The following TOX variants were observed in gnomAD, a reference collection of about 807,000 sequenced individuals.
TOX encodes thymocyte selection-associated high mobility group box protein TOX.
TOX carries 11 observed loss-of-function variants against 53.7 expected under a neutral mutation model. That is an observed-to-expected ratio of 0.20 (90% CI 0.13 to 0.34). TOX has a LOEUF of 0.34. Ranked by LOEUF, TOX falls within the 10% of genes least tolerant of loss-of-function variation. TOX has a pLI of 1.00. For missense variants in TOX, 570 were observed against 664.6 expected (o/e 0.86, Z 1.56); for synonymous variants, 225 against 245.3 (o/e 0.92, Z 0.77).
At chr8:58,815,157 T>C (rs1461932979) in intron 7 of TOX, among the ~76,000 whole-genome samples, 181 bp downstream of exon 7, 2 of 152,250 alleles carry the variant, frequency 1.3e-5, no homozygotes, top group Non-Finnish European at 2.9e-5. Context: ...ACTCACCACT[T>C]GTAAATTACA....
At chr8:58,921,922 C>A (rs1267958311) in intron 3 of TOX, among the ~76,000 whole-genome samples, 1 of 152,152 alleles carries the variant, frequency 6.6e-6, no homozygotes, top group Non-Finnish European at 1.5e-5. Flanking sequence ...TGATGATGTT[C>A]TATTACCTAC....
chr8:58,813,214 C>G (rs988381143), intron 7 of TOX, among the ~76,000 whole-genome samples: 1 of 152,124 alleles, frequency 6.6e-6, no homozygotes, highest in African/African-American at 2.4e-5. Context: ...TTATGTAAAT[C>G]TGAAATATTT....
intron 1 of TOX, among the ~76,000 whole-genome samples, chr8:58,983,551 AC>A (rs1358189344): frequency 6.6e-6 from 1 of 152,236 alleles, no homozygotes; most frequent in Non-Finnish European, 1.5e-5. Flanking sequence ...AAACTTATAC[AC>A]ATCTACGATG....
In TOX at chr8:58,894,497, T is replaced by C. The variant is rs554372537; in HGVS notation, c.412-42692A>G. On this transcript the variant is annotated intron_variant, in intron 3 of 8. Coordinates refer to ENST00000361421, the MANE Select transcript of TOX (RefSeq NM_014729.3). ...ATAGGAGAAAGAGCTAAATTAATAA[T>C]AGTTTTGATATAATGATGTATTCTT... 5.9e-5 allele frequency among the ~76,000 whole-genome samples: 9 copies of C among 152,348 alleles called. No individual in the cohort carries two copies. In the East Asian group the frequency reaches 1.3e-3, roughly 23 times the overall value.
At chr8:58,913,977 A>G (rs1811956396) in intron 3 of TOX, among the ~76,000 whole-genome samples, 1 of 152,226 alleles carries the variant, frequency 6.6e-6, no homozygotes, top group African/African-American at 2.4e-5. Context: ...AGTGTGCTCA[A>G]TGGAGTGGAG....
chr8:59,067,894 A>G (rs1303080490), intron 1 of TOX, among the ~76,000 whole-genome samples: 1 of 152,212 alleles, frequency 6.6e-6, no homozygotes, highest in African/African-American at 2.4e-5. Flanking sequence ...ATAAAACCAT[A>G]TCTGTCATTC....
intron 1 of TOX, among the ~76,000 whole-genome samples, chr8:59,077,830 T>A (rs957190684): frequency 6.6e-6 from 1 of 152,186 alleles, no homozygotes; most frequent in African/African-American, 2.4e-5. Flanking sequence ...CTATAAAGAA[T>A]AGAGGCAATT....
intron 1 of TOX, among the ~76,000 whole-genome samples, chr8:59,100,031 C>G (rs904256632): frequency 6.7e-6 from 1 of 148,456 alleles, no homozygotes; most frequent in Non-Finnish European, 1.5e-5. Context: ...AGAATTGCAT[C>G]TTTTTTTTTT....
chr8:58,915,477 C>G (rs1812000257), intron 3 of TOX, among the ~76,000 whole-genome samples: 1 of 114,684 alleles, frequency 8.7e-6, no homozygotes, highest in Non-Finnish European at 1.8e-5. Context: ...TCCAACAGAC[C>G]TGCAGCTGAG....
At chr8:58,857,644 TC>T (rs1165934738) in intron 3 of TOX, among the ~76,000 whole-genome samples, 2 of 152,194 alleles carry the variant, frequency 1.3e-5, no homozygotes, top group East Asian at 3.8e-4. Context: ...TGTTCCTTTC[TC>T]CCCTTGTCTG....
intron 3 of TOX, among the ~76,000 whole-genome samples, chr8:58,929,859 C>A (rs975385853): frequency 2.0e-5 from 3 of 152,108 alleles, no homozygotes; most frequent in African/African-American, 4.8e-5. Context: ...AGACTAGGCA[C>A]AAATATACTC....
intron 1 of TOX, among the ~76,000 whole-genome samples, chr8:59,092,757 C>T (rs139005562): frequency 1.7e-3 from 266 of 152,174 alleles, no homozygotes; most frequent in African/African-American, 6.2e-3. Context: ...GGCCAGGTTA[C>T]AGCCTCTTTT....
At chr8:59,011,664 C>T (rs954489051) in intron 1 of TOX, among the ~76,000 whole-genome samples, 1 of 152,098 alleles carries the variant, frequency 6.6e-6, no homozygotes, top group Admixed American at 6.5e-5. Flanking sequence ...TAACCTCTCT[C>T]CTCTCTTCCT....
chr8:58,823,624 T>G (rs894816006), intron 6 of TOX, among the ~76,000 whole-genome samples: 3 of 152,228 alleles, frequency 2.0e-5, no homozygotes, highest in Admixed American at 1.3e-4. Flanking sequence ...TTGCTCTTAT[T>G]TTTGATCATG....
chr8:58,850,146 TGGCTTG>T (rs144275140), intron 4 of TOX, among the ~76,000 whole-genome samples: 4,072 of 152,286 alleles, frequency 0.027, 126 homozygotes, highest in East Asian at 0.12. Context: ...ATGGAGGGAT[TGGCTTG>T]GGCAGTGTTA....
chr8:58,981,392 T>G (rs985603706), intron 1 of TOX, among the ~76,000 whole-genome samples: 2 of 152,194 alleles, frequency 1.3e-5, no homozygotes, highest in Non-Finnish European at 2.9e-5. Context: ...TTTGACATCT[T>G]TGATGGTTTT....
chr8:58,851,158 GTC>G lies in TOX; in HGVS notation c.693+364_693+365del, dbSNP rs560478337. ...CACCATACATCTCCTCTCTCTCTCTGTCTCTCTCTCTCTCTCTCTCTCTCTCT... is the reference window on the plus strand; with the variant it reads ...CACCATACATCTCCTCTCTCTCTCTGTCTCTCTCTCTCTCTCTCTCTCTCT... On this transcript the variant is annotated intron_variant, in intron 4 of 8. Transcript: ENST00000361421. The surrounding 1 kb of genome is among the most constrained non-coding windows in gnomAD (Gnocchi z 4.4). Among the ~76,000 whole-genome samples, 198 of 117,910 alleles carry G rather than the reference GTC, an allele frequency of 1.7e-3. No homozygotes were observed. The highest frequency in any genetic ancestry group is 4.9e-3 in the Middle Eastern group (1 of 204). 77.4% of individuals were successfully genotyped at this position (117,910 alleles called of 152,430 possible).
chr8:59,019,556 G>C (rs1447001452), intron 1 of TOX, among the ~76,000 whole-genome samples: 1 of 152,094 alleles, frequency 6.6e-6, no homozygotes, highest in East Asian at 1.9e-4. Context: ...AAAAATGATT[G>C]CCTAGCCAAA....
At chr8:58,906,949 T>C (rs950906448) in intron 3 of TOX, among the ~76,000 whole-genome samples, 1 of 152,232 alleles carries the variant, frequency 6.6e-6, no homozygotes, top group Non-Finnish European at 1.5e-5. Flanking sequence ...TTGTCTTGGA[T>C]GTCATAAAAT....
Sources: allele counts gnomAD v4.1 joint callset (sites outside exome capture counted in the v4.1 genomes callset), GRCh38; gene constraint gnomAD v4.1.1; non-coding constraint Gnocchi (gnomAD v3.1); transcripts MANE v1.5; gene names NCBI Gene and HGNC (gene_info 2026-07-23, HGNC 2026-07-21).